PTPRT: variants seen among roughly 807,000 people sequenced by gnomAD.
PTPRT encodes protein tyrosine phosphatase receptor type T.
PTPRT carries 56 observed loss-of-function variants against 176.8 expected under a neutral mutation model. The ratio of observed to expected loss-of-function variants is 0.32; its 90% CI spans 0.26 to 0.40. The LOEUF (loss-of-function observed/expected upper bound fraction) is 0.40, where lower values mean the gene tolerates loss of function less well. Ranked by LOEUF, PTPRT falls within the 10% of genes least tolerant of loss-of-function variation. The pLI is 1.00. For missense variants in PTPRT, 1,540 were observed against 1,908.2 expected, an observed-to-expected ratio of 0.81 and a Z score of 3.60; for synonymous variants, 783 against 739.0, an observed-to-expected ratio of 1.06 and a Z score of -0.96.
At chr20:42,797,082 G>A (rs1370891112) in intron 2 of PTPRT, among the ~76,000 whole-genome samples, 1 of 152,142 alleles carries the variant, frequency 6.6e-6, no homozygotes, top group Non-Finnish European at 1.5e-5. Context: ...TTTCAGTGTA[G>A]CAGGGAGACC....
intron 15 of PTPRT, among the ~76,000 whole-genome samples, chr20:42,231,207 A>G (rs1159627454): frequency 6.6e-6 from 1 of 152,188 alleles, no homozygotes; most frequent in East Asian, 1.9e-4. Flanking sequence ...ACAGACTTGC[A>G]TTTGGTACCT....
chr20:43,079,895 T>C (rs2011392156), intron 1 of PTPRT, among the ~76,000 whole-genome samples: 1 of 152,204 alleles, frequency 6.6e-6, no homozygotes, highest in African/African-American at 2.4e-5. Flanking sequence ...GTAGTAGCAA[T>C]CATCATGTGT....
chr20:42,936,012 T>C (rs372363848), intron 1 of PTPRT, among the ~76,000 whole-genome samples: 68 of 152,328 alleles, frequency 4.5e-4, no homozygotes, highest in African/African-American at 1.5e-3. Flanking sequence ...CCTCCCAAAG[T>C]ACTGAGAGTA....
At chr20:42,301,174 T>C (rs572810973) in intron 12 of PTPRT, among the ~76,000 whole-genome samples, 39 of 152,316 alleles carry the variant, frequency 2.6e-4, no homozygotes, top group African/African-American at 8.9e-4. Context: ...GACAACAGTT[T>C]AAGTAATCAA....
chr20:42,387,238 C>T (rs973551257), intron 9 of PTPRT, among the ~76,000 whole-genome samples: 18 of 152,162 alleles, frequency 1.2e-4, no homozygotes, highest in African/African-American at 1.7e-4. Context: ...AGTGGTAATA[C>T]GCTGCTTGGG....
chr20:42,074,473 A>G lies in PTPRT; in HGVS notation c.*6406T>C, dbSNP rs1600445299. ...TTCTGTCCAACACTTCAAGGCCACC[A>G]GACACTCATTCTCCGAACATTCCAA... On this transcript the variant is annotated 3_prime_UTR_variant, in exon 31 of 31. Transcript: ENST00000373187. 6 of 310,508 alleles carry G rather than the reference A, an allele frequency of 1.9e-5. No homozygotes were observed. Among genetic ancestry groups the G allele is most frequent in the East Asian group, 1.9e-4 (4 of 21,076 alleles). The allele number at this position is 310,508 out of a possible 1,614,324, so 19.2% of individuals were successfully genotyped here. A position where few individuals can be genotyped will look rare whatever the true frequency, so the allele number is the denominator to read the frequency against.
intron 9 of PTPRT, among the ~76,000 whole-genome samples, chr20:42,363,286 ATATATATATATATATTTTTTTTT>A (rs1174795001): frequency 3.1e-4 from 9 of 29,324 alleles, no homozygotes; most frequent in South Asian, 1.4e-3. Flanking sequence ...ATATATATAT[ATATATATATATATATTTTTTTTT>A]TTTTTTTTTT....
intron 1 of PTPRT, among the ~76,000 whole-genome samples, chr20:43,060,382 A>C (rs1020170889): frequency 6.6e-6 from 1 of 152,032 alleles, no homozygotes; most frequent in Non-Finnish European, 1.5e-5. Flanking sequence ...GGGCTTTCTG[A>C]AGTCCCTTTT....
chr20:42,846,744 T>C (rs2078379898), intron 2 of PTPRT, among the ~76,000 whole-genome samples: 1 of 152,264 alleles, frequency 6.6e-6, no homozygotes, highest in Admixed American at 6.5e-5. Flanking sequence ...TCCTACCTTC[T>C]GAAGTGGGGA....
intron 9 of PTPRT, among the ~76,000 whole-genome samples, chr20:42,434,999 CA>C (rs375337174): frequency 0.013 from 1,829 of 146,244 alleles, 41 homozygotes; most frequent in African/African-American, 0.044. Context: ...ACAAAAACAA[CA>C]AAAAAAAGAG....
intron 12 of PTPRT, among the ~76,000 whole-genome samples, chr20:42,303,839 T>C (rs1026014158): frequency 6.6e-6 from 1 of 152,148 alleles, no homozygotes. Context: ...AACTTGGTGA[T>C]GGCTGAATAT....
At chr20:42,660,993 A>G (rs1406474145) in intron 7 of PTPRT, among the ~76,000 whole-genome samples, 1 of 152,134 alleles carries the variant, frequency 6.6e-6, no homozygotes, top group Non-Finnish European at 1.5e-5. Context: ...CTGGGACTAC[A>G]GACGCATGCC....
chr20:42,350,585 AGAG>A (rs1254578180), intron 11 of PTPRT, 40 bp downstream of exon 11: 1 of 1,471,144 alleles, frequency 6.8e-7, no homozygotes, highest in Admixed American at 1.7e-5. Flanking sequence ...CATGTGGCAC[AGAG>A]AAGAAAAACT....
rs150256869 is a variant in PTPRT, at chr20:42,219,662, TATC to T, written c.2342+16564_2342+16566del. On this transcript the variant is annotated intron_variant, in intron 15 of 30. Coordinates refer to ENST00000373187, the MANE Select transcript of PTPRT (RefSeq NM_007050.6). ...CTGGGCTCTGGTCAAGTTACAATGT[TATC>T]ATGTATTATCTCCATTTTGCAGTGT... 4.2e-3 allele frequency among the ~76,000 whole-genome samples: 635 copies of T among 152,378 alleles called. 5 individuals are homozygous for T. The highest frequency in any genetic ancestry group is 5.1e-3 in the Non-Finnish European group (347 of 68,044).
intron 7 of PTPRT, among the ~76,000 whole-genome samples, chr20:42,558,995 T>C (rs2145641923): frequency 1.3e-5 from 2 of 152,236 alleles, no homozygotes; most frequent in Middle Eastern, 6.8e-3. Flanking sequence ...CTGTGTGAGT[T>C]TTCTGGGTGA....
intron 17 of PTPRT, among the ~76,000 whole-genome samples, chr20:42,142,580 G>A (rs1988679188): frequency 6.6e-6 from 1 of 151,990 alleles, no homozygotes; most frequent in Admixed American, 6.5e-5. Flanking sequence ...TGGAGGATTT[G>A]TTCAAAGACC....
the PTPRT span, among the ~76,000 whole-genome samples, chr20:42,055,853 G>T: frequency 6.6e-6 from 1 of 152,100 alleles, no homozygotes; most frequent in Non-Finnish European, 1.5e-5. Context: ...AGTGGAACCA[G>T]AAAGGGTAGA....
At chr20:42,733,144 A>G (rs1397002448) in intron 6 of PTPRT, among the ~76,000 whole-genome samples, 1 of 152,168 alleles carries the variant, frequency 6.6e-6, no homozygotes, top group African/African-American at 2.4e-5. Flanking sequence ...CCCTCTCTAG[A>G]CATGGGGTTT....
At chr20:43,160,916 C>CA (rs1465323440) in intron 1 of PTPRT, among the ~76,000 whole-genome samples, 1 of 131,234 alleles carries the variant, frequency 7.6e-6, no homozygotes, top group Non-Finnish European at 1.6e-5. Context: ...AGTGAATTTT[C>CA]TTTAAAAAAA....
Sources: gnomAD v4.1 joint callset for allele counts (sites outside exome capture counted in the v4.1 genomes callset) on GRCh38, gnomAD v4.1.1 for gene constraint, MANE v1.5 for transcripts, NCBI Gene and HGNC (gene_info 2026-07-23, HGNC 2026-07-21) for gene names.